The following FRAS1 variants were observed in gnomAD, a reference collection of about 807,000 sequenced individuals.
FRAS1 encodes Fraser extracellular matrix complex subunit 1, also known as extracellular matrix organizing protein FRAS1.
FRAS1 carries 290 observed loss-of-function variants against 435.2 expected under a neutral mutation model. That is an observed-to-expected ratio of 0.67 (90% CI 0.61 to 0.73). FRAS1 has a LOEUF of 0.73. Among genes scored for constraint, FRAS1 ranks in the 30% least tolerant of loss-of-function variants. The pLI is 0.00. For missense variants in FRAS1, 4,860 were observed against 5,001.5 expected, an observed-to-expected ratio of 0.97 and a Z score of 0.85; for synonymous variants, 1,800 against 1,851.0, an observed-to-expected ratio of 0.97 and a Z score of 0.71.
At chr4:78,320,997 C>A (rs747277931) in intron 18 of FRAS1, among the ~76,000 whole-genome samples, 7 of 152,158 alleles carry the variant, frequency 4.6e-5, no homozygotes, top group Non-Finnish European at 8.8e-5. Flanking sequence ...GACCACTCAG[C>A]GCAGTTAGGT....
intron 11 of FRAS1, among the ~76,000 whole-genome samples, chr4:78,282,498 G>A (rs1219268634): frequency 6.6e-6 from 1 of 152,208 alleles, no homozygotes; most frequent in Non-Finnish European, 1.5e-5. Flanking sequence ...TTTGGTGAAA[G>A]AGGTTGAGAA....
intron 32 of FRAS1, among the ~76,000 whole-genome samples, 182 bp downstream of exon 32, chr4:78,413,267 G>A (rs1733421309): frequency 1.3e-5 from 2 of 152,160 alleles, no homozygotes; most frequent in African/African-American, 4.8e-5. Context: ...AAAATTCCCA[G>A]AGTGAAAGGA....
intron 28 of FRAS1, among the ~76,000 whole-genome samples, chr4:78,384,907 CA>C (rs11315732): frequency 0.12 from 11,637 of 100,990 alleles, 389 homozygotes; most frequent in African/African-American, 0.21. Flanking sequence ...GACCCTGTCT[CA>C]AAAAAAAAAA....
intron 14 of FRAS1, among the ~76,000 whole-genome samples, chr4:78,307,553 C>G (rs769806019): frequency 2.0e-5 from 3 of 152,226 alleles, no homozygotes; most frequent in Non-Finnish European, 4.4e-5. Flanking sequence ...GATTTAATCT[C>G]CTGGTGCGCC....
chr4:78,187,915 C>A (rs1360741271), intron 2 of FRAS1, among the ~76,000 whole-genome samples: 4 of 152,120 alleles, frequency 2.6e-5, no homozygotes, highest in Admixed American at 6.6e-5. Context: ...TGTTGCTATT[C>A]TTAAAGACAG....
At chr4:78,300,082 T>A (rs1182519063) in intron 14 of FRAS1, among the ~76,000 whole-genome samples, 1 of 152,204 alleles carries the variant, frequency 6.6e-6, no homozygotes, top group Non-Finnish European at 1.5e-5. Context: ...GGCAAAGGCA[T>A]GAACAGTCGT....
chr4:78,123,930 T>C (rs1719181505), intron 2 of FRAS1, among the ~76,000 whole-genome samples: 1 of 152,190 alleles, frequency 6.6e-6, no homozygotes, highest in African/African-American at 2.4e-5. Flanking sequence ...AAACAGAGAC[T>C]ATTTGACTTC....
chr4:78,266,770 A>G (rs1384531245), intron 7 of FRAS1, 64 bp from the exon 8 acceptor site: 3 of 1,222,388 alleles, frequency 2.5e-6, no homozygotes, highest in Non-Finnish European at 3.5e-6. Context: ...CTTATGTGAC[A>G]GTGCTTCTAT....
chr4:78,538,286 C>T (rs58467919), intron 72 of FRAS1, among the ~76,000 whole-genome samples: 23,049 of 152,066 alleles, frequency 0.15, 1,984 homozygotes, highest in Non-Finnish European at 0.21. Context: ...GAGTAAATGT[C>T]GATAGATATA....
chr4:78,539,816 A>G (rs1721994210), intron 73 of FRAS1, among the ~76,000 whole-genome samples: 1 of 152,240 alleles, frequency 6.6e-6, no homozygotes, highest in African/African-American at 2.4e-5. Context: ...ACAGCAATTT[A>G]GAATAGCAAG....
At chr4:78,220,738 G>A (rs1452232480) in intron 2 of FRAS1, among the ~76,000 whole-genome samples, 1 of 152,140 alleles carries the variant, frequency 6.6e-6, no homozygotes, top group Non-Finnish European at 1.5e-5. Context: ...GCCTTTGATT[G>A]TACCTACTCT....
At chr4:78,062,324 G>A (rs577848692) in intron 1 of FRAS1, among the ~76,000 whole-genome samples, 2 of 152,280 alleles carry the variant, frequency 1.3e-5, no homozygotes, top group East Asian at 3.9e-4. Context: ...ATCAGGACAT[G>A]AGCTGTCCTG....
At chr4:78,126,867 A>C (rs755206556) in intron 2 of FRAS1, among the ~76,000 whole-genome samples, 2 of 152,180 alleles carry the variant, frequency 1.3e-5, no homozygotes, top group African/African-American at 4.8e-5. Context: ...TGTTTTAGTC[A>C]GTTTTTGTTC....
intron 62 of FRAS1, among the ~76,000 whole-genome samples, chr4:78,508,060 C>T (rs1303798869): frequency 6.6e-6 from 1 of 152,118 alleles, no homozygotes; most frequent in Non-Finnish European, 1.5e-5. Flanking sequence ...GTAATACTAC[C>T]TCATATCTAT....
intron 14 of FRAS1, among the ~76,000 whole-genome samples, chr4:78,306,729 C>G (rs1252712401): frequency 1.3e-5 from 2 of 151,486 alleles, no homozygotes; most frequent in Admixed American, 1.3e-4. Flanking sequence ...CCTTTAAGCA[C>G]TTCTCTGTAT....
chr4:78,164,547 A>T (rs1227837042), intron 2 of FRAS1, among the ~76,000 whole-genome samples: 2 of 152,142 alleles, frequency 1.3e-5, no homozygotes, highest in African/African-American at 4.8e-5. Context: ...AAGGGAAAAA[A>T]TCTTACCTGA....
At chr4:78,115,351 C>G (rs13120803) in intron 2 of FRAS1, among the ~76,000 whole-genome samples, 72 of 151,682 alleles carry the variant, frequency 4.7e-4, no homozygotes, top group Non-Finnish European at 6.9e-4. Context: ...CATAAAATAA[C>G]TTAGGGAGGA....
In FRAS1 at chr4:78,475,599, C is replaced by T. The variant is rs770933194; in HGVS notation, c.7844C>T (p.Ala2615Val). The change falls in exon 54 of 74, where the codon GCT becomes GTT. Residue 2615 changes from alanine to valine, a missense_variant. Transcript: ENST00000512123. ...GGGCAACAGGACTATGTAGAGTATG[C>T]TGGCCAGGTAGGTGGGGTAGTGGGG... is the stretch of plus-strand genomic sequence containing the variant. The part of the protein sequence containing the change: ...QPGQQDYVEY[A>V]GQVQFDERED... 4 of 1,576,830 alleles carry T rather than the reference C, an allele frequency of 2.5e-6. No individual in the cohort carries two copies. Among genetic ancestry groups the T allele is most frequent in the Non-Finnish European group, 3.5e-6 (4 of 1,155,814 alleles).
At chr4:78,357,918 AT>A (rs1035724188) in intron 20 of FRAS1, among the ~76,000 whole-genome samples, 2 of 151,746 alleles carry the variant, frequency 1.3e-5, no homozygotes, top group African/African-American at 4.8e-5. Context: ...AAAAAAGACA[AT>A]TTTTTTTCTT....
Sources: gnomAD v4.1 joint callset for allele counts (sites outside exome capture counted in the v4.1 genomes callset) on GRCh38, gnomAD v4.1.1 for gene constraint, MANE v1.5 for transcripts, NCBI Gene and HGNC (gene_info 2026-07-23, HGNC 2026-07-21) for gene names.